Variants in PPP1R15B observed in about 807,000 individuals in gnomAD.
PPP1R15B encodes protein phosphatase 1 regulatory subunit 15B.
In PPP1R15B, 31 loss-of-function variants were observed where a neutral mutation model predicts 53.9. The ratio of observed to expected loss-of-function variants is 0.58; its 90% CI spans 0.43 to 0.78. PPP1R15B has a LOEUF of 0.78. Ranked by LOEUF, PPP1R15B falls within the 30% of genes least tolerant of loss-of-function variation. The probability of loss-of-function intolerance (pLI) is 0.00; values close to 1 mark genes in which losing one functional copy is unlikely to be tolerated. For missense variants in PPP1R15B, 928 were observed against 849.6 expected (o/e 1.09, Z -1.15); for synonymous variants, 345 against 329.1 (o/e 1.05, Z -0.52).
Position 204,411,167 on chromosome 1 carries a change from A to C in PPP1R15B, c.245T>G (p.Leu82Arg). 2 of 1,614,222 alleles carry C rather than the reference A, an allele frequency of 1.2e-6. No individual in the cohort carries two copies. The highest frequency in any genetic ancestry group is 1.7e-6 in the Non-Finnish European group (2 of 1,180,032). The change falls in exon 1 of 2, where the codon CTA becomes CGA. Residue 82 changes from leucine (L) to arginine (R), a missense_variant. Coordinates refer to ENST00000367188, the MANE Select transcript of PPP1R15B (RefSeq NM_032833.5). The part of the protein sequence containing the change: ...APLPGLLQKV[L>R]IWSQLFGGMF... The stretch of plus-strand genomic sequence containing the variant: ...TCCACCGAAAAGTTGGCTCCAAATT[A>C]GCACCTTCTGAAGCAATCCGGGGAG...
At chr1:204,409,456 G>A in intron 1 of PPP1R15B, 36 bp downstream of exon 1, 4 of 1,572,012 alleles carry the variant, frequency 2.5e-6, no homozygotes, top group Non-Finnish European at 3.4e-6. Flanking sequence ...AAAACAGTCA[G>A]AACATATCAG....
rs1404108800 is a variant in PPP1R15B, at chr1:204,404,843, AAATAAACCAAAC to A, written c.*1237_*1248del. 4.1e-6 allele frequency: 4 copies of A among 985,760 alleles called. No homozygotes were observed. Among genetic ancestry groups the A allele is most frequent in the Non-Finnish European group, 4.8e-6 (4 of 829,920 alleles). The allele number at this position is 985,760 out of a possible 1,614,324, so 61.1% of individuals were successfully genotyped here. On this transcript the variant is annotated 3_prime_UTR_variant, in exon 2 of 2. Transcript: ENST00000367188. The stretch of plus-strand genomic sequence containing the variant: ...TTATGTGTACCTTGTAAAGCTAAAC[AAATAAACCAAAC>A]ACAAACAGTCAATGCAAAGACTTCA...
At chr1:204,399,180 C>A (rs1378670168), downstream of PPP1R15B, among the ~76,000 whole-genome samples, 1 of 152,184 alleles carries the variant, frequency 6.6e-6, no homozygotes, top group African/African-American at 2.4e-5. Flanking sequence ...GTAATCCCAG[C>A]ACTTTGGGAG....
At chr1:204,397,125 C>T (rs1004817847), downstream of PPP1R15B, among the ~76,000 whole-genome samples, 2 of 151,580 alleles carry the variant, frequency 1.3e-5, no homozygotes, top group African/African-American at 4.9e-5. Context: ...GAGGTTGAGG[C>T]TGAAGAAAGC....
At chr1:204,400,146 A>T (rs985396600), downstream of PPP1R15B, among the ~76,000 whole-genome samples, 7 of 150,496 alleles carry the variant, frequency 4.7e-5, no homozygotes, top group South Asian at 1.5e-3. Context: ...CTGAGATAGG[A>T]GGATTGCCTA....
intron 1 of PPP1R15B, among the ~76,000 whole-genome samples, chr1:204,406,655 G>A (rs1183831646): frequency 6.6e-6 from 1 of 152,068 alleles, no homozygotes; most frequent in Non-Finnish European, 1.5e-5. Context: ...AGGAGGCTGA[G>A]GTAGGAGAAC....
At chr1:204,397,651 T>C (rs1385144272), downstream of PPP1R15B, among the ~76,000 whole-genome samples, 1 of 152,222 alleles carries the variant, frequency 6.6e-6, no homozygotes, top group East Asian at 1.9e-4. Context: ...CAAAACATCA[T>C]GTTGTAGACA....
At chr1:204,402,335 G>A (rs141858781), downstream of PPP1R15B, among the ~76,000 whole-genome samples, 72 of 152,142 alleles carry the variant, frequency 4.7e-4, no homozygotes, top group Admixed American at 1.2e-3. Flanking sequence ...CTTTTTCGGA[G>A]TAAAAATTTT....
chr1:204,400,169 C>T (rs914225549), downstream of PPP1R15B, among the ~76,000 whole-genome samples: 9 of 147,582 alleles, frequency 6.1e-5, no homozygotes, highest in East Asian at 2.0e-4. Flanking sequence ...CCTGGGAAGT[C>T]GAGGCTGCAG....
At chr1:204,396,353 C>CAAA (rs1448025124), downstream of PPP1R15B, among the ~76,000 whole-genome samples, 1 of 60,750 alleles carries the variant, frequency 1.6e-5, no homozygotes, top group South Asian at 6.1e-4. Context: ...ACTAAAAATA[C>CAAA]AAAAAAAAAA....
Position 204,410,390 on chromosome 1 carries a change from T to C in PPP1R15B, c.1022A>G (p.Asp341Gly), listed in dbSNP as rs564562381. The C allele has an allele frequency of 1.8e-5, 29 of 1,614,220 alleles. 1 individual carries two copies. In the South Asian group the frequency reaches 2.6e-4, roughly 15 times the overall value. The part of the protein sequence containing the change: ...LLRMDPKHCR[D>G]NPTQFVPAAG... ...AGCAGGAACAAACTGTGTTGGGTTA[T>C]CTCTGCAGTGTTTTGGATCCATCCG... Residue 341 changes from aspartate to glycine, a missense_variant, in exon 1 of 2, where the codon GAT (aspartate) becomes GGT (glycine). Coordinates refer to ENST00000367188, the MANE Select transcript of PPP1R15B (RefSeq NM_032833.5).
downstream of PPP1R15B, among the ~76,000 whole-genome samples, chr1:204,401,579 G>A (rs567090542): frequency 6.6e-6 from 1 of 151,970 alleles, no homozygotes; most frequent in African/African-American, 2.4e-5. Flanking sequence ...TATAAACAAC[G>A]TGCATTATGA....
At position 204,410,600 on chromosome 1, in the gene PPP1R15B, C is replaced by T. The variant is rs147772832; in HGVS notation, c.812G>A (p.Ser271Asn). Residue 271 changes from serine (S) to asparagine (N), a missense_variant, in exon 1 of 2, where the codon AGT (serine) becomes AAT (asparagine). By Grantham distance (46) the Ser-to-Asn change is conservative. Coordinates refer to ENST00000367188, the MANE Select transcript of PPP1R15B (RefSeq NM_032833.5). ...CCACGAGGCCGGAATGAGTTCTGCA[C>T]TCAGCGGCTGGGGATGACAATGGTC... ...REDHCHPQPL[S>N]AELIPASWQG... 6.2e-7 allele frequency: 1 copy of T among 1,614,026 alleles called. No individual in the cohort carries two copies. The highest frequency in any genetic ancestry group is 8.5e-7 in the Non-Finnish European group (1 of 1,179,914).
rs1674260917 is a variant in PPP1R15B at position 204,406,183 on chromosome 1, C to T, written c.2051G>A (p.Gly684Glu). ...TCTGTGTTCAAATGTCAAGCAATAT[C>T]CAATAGCATCTTCTGTTTCTTGAAT... ...KRIQETEDAI[G>E]YCLTFEHRER... Residue 684 changes from glycine (G) to glutamate (E), a missense_variant, in exon 2 of 2, where the codon GGA becomes GAA. Gly to Glu is a moderately conservative substitution (Grantham distance 98). Coordinates refer to ENST00000367188, the MANE Select transcript of PPP1R15B (RefSeq NM_032833.5). The T allele has an allele frequency of 6.2e-7, 1 of 1,614,022 alleles. No individual in the cohort carries two copies. The highest frequency in any genetic ancestry group is 8.5e-7 in the Non-Finnish European group (1 of 1,180,018).
At chr1:204,408,397 C>G (rs1364835204) in intron 1 of PPP1R15B, among the ~76,000 whole-genome samples, 1 of 152,214 alleles carries the variant, frequency 6.6e-6, no homozygotes, top group Non-Finnish European at 1.5e-5. Context: ...ACTTATTCTG[C>G]CCTAAAGGTA....
intron 1 of PPP1R15B, among the ~76,000 whole-genome samples, chr1:204,409,187 A>G (rs1674314439): frequency 1.3e-5 from 2 of 152,252 alleles, no homozygotes; most frequent in South Asian, 2.1e-4. Context: ...AGTCCGTTAA[A>G]AAGTGTGAAA....
chr1:204,406,541 G>C (rs3014624), intron 1 of PPP1R15B, among the ~76,000 whole-genome samples: 99,031 of 152,030 alleles, frequency 0.65, 37,275 homozygotes, highest in East Asian at 0.92. Context: ...CCTGAGGTCA[G>C]GAGTTCAAGA....
In PPP1R15B at chr1:204,403,912, A is replaced by G; in HGVS notation, c.*2180T>C. 1 of 985,588 alleles carries G rather than the reference A, an allele frequency of 1.0e-6. No individual in the cohort carries two copies. 61.1% of individuals were successfully genotyped at this position (985,588 alleles called of 1,614,324 possible). On this transcript the variant is annotated 3_prime_UTR_variant, in exon 2 of 2. Transcript: ENST00000367188. ...AGAACTCTTAATCAAGCTTTCACTC[A>G]TTTGGTAGTGAGGTTAGAATCCCAT... is the stretch of plus-strand genomic sequence containing the variant.
Position 204,410,057 on chromosome 1 carries a change from G to A in PPP1R15B, c.1355C>T (p.Ala452Val), listed in dbSNP as rs1237975094. The A allele has an allele frequency of 6.2e-7, 1 of 1,614,172 alleles. No individual in the cohort carries two copies. The change falls in exon 1 of 2, where the codon GCT (alanine) becomes GTT (valine). Residue 452 changes from alanine to valine, a missense_variant. Transcript: ENST00000367188. ...DPEGEDWDEEAEDDGFDSDSS... is the reference protein window; with the variant it reads ...DPEGEDWDEEVEDDGFDSDSS... Reference sequence around the variant, plus strand: ...ATCACTATCAAAACCATCATCCTCAGCTTCCTCATCCCAATCCTCACCTTC... The same window carrying A: ...ATCACTATCAAAACCATCATCCTCAACTTCCTCATCCCAATCCTCACCTTC...
Sources: allele counts gnomAD v4.1 joint callset (sites outside exome capture counted in the v4.1 genomes callset), GRCh38; gene constraint gnomAD v4.1.1; transcripts MANE v1.5; gene names NCBI Gene and HGNC (gene_info 2026-07-23, HGNC 2026-07-21).